The following SAMD3 variants were observed in gnomAD, a reference collection of about 807,000 sequenced individuals.
The protein encoded by SAMD3 is sterile alpha motif domain-containing protein 3.
In SAMD3, 63 loss-of-function variants were observed where a neutral mutation model predicts 58.5. The observed-to-expected ratio is 1.08, with a 90% CI of 0.88 to 1.33. SAMD3 has a LOEUF of 1.33. SAMD3 is among the 40% of genes most tolerant of loss of function. SAMD3 has a pLI of 0.00. For synonymous variants in SAMD3, 220 were observed against 210.3 expected, an observed-to-expected ratio of 1.05 and a Z score of -0.40; for missense variants, 604 against 608.4, an observed-to-expected ratio of 0.99 and a Z score of 0.08.
intron 1 of SAMD3, among the ~76,000 whole-genome samples, chr6:130,344,983 A>C (rs934797087): frequency 1.3e-5 from 2 of 151,456 alleles, no homozygotes; most frequent in African/African-American, 4.9e-5. Flanking sequence ...TTTTTATCAC[A>C]GTACACAAAT....
At chr6:130,350,601 C>T (rs1281097646) in intron 1 of SAMD3, among the ~76,000 whole-genome samples, 12 of 152,112 alleles carry the variant, frequency 7.9e-5, no homozygotes, top group Admixed American at 2.0e-4. Flanking sequence ...GAACATTCCA[C>T]GCTCATGGGT....
chr6:130,210,674 C>T (rs1186143122), intron 4 of SAMD3, among the ~76,000 whole-genome samples: 3 of 151,820 alleles, frequency 2.0e-5, no homozygotes, highest in Non-Finnish European at 4.4e-5. Context: ...GACCCCTCCT[C>T]TCAGCTAAAG....
chr6:130,152,654 G>A (rs572953854), intron 9 of SAMD3, among the ~76,000 whole-genome samples: 1 of 152,034 alleles, frequency 6.6e-6, no homozygotes, highest in Non-Finnish European at 1.5e-5. Context: ...TCCAGCCTGG[G>A]CGACAAAGTA....
Position 130,215,307 on chromosome 6 carries a change from A to G in SAMD3, c.-21-13T>C. 6.7e-7 allele frequency: 1 copy of G among 1,496,054 alleles called. No individual in the cohort carries two copies. Among genetic ancestry groups the G allele is most frequent in the Non-Finnish European group, 9.1e-7 (1 of 1,102,266 alleles). 92.7% of individuals were successfully genotyped at this position (1,496,054 alleles called of 1,614,324 possible). On this transcript the variant is annotated splice_polypyrimidine_tract_variant and intron_variant, in intron 2 of 11. Coordinates refer to ENST00000439090, the MANE Select transcript of SAMD3 (RefSeq NM_001017373.4). ...CCTGTAAATACACCTGTAGAGCAAA[A>G]GGTCAGAGAATTCTCCAGCTTTTCT...
At position 130,144,587 on chromosome 6, in the gene SAMD3, T is replaced by C; in HGVS notation, c.1496A>G (p.His499Arg). Residue 499 changes from histidine to arginine, a missense_variant, in exon 12 of 12, where the codon CAC (histidine) becomes CGC (arginine). By Grantham distance (29) the His-to-Arg change is conservative (BLOSUM62 0). Transcript: ENST00000439090. ...NFLETLIFDM[H>R]SPYFPSLKEK... ...TTTCAAAGAAGGAAAATAAGGACTG[T>C]GCATATCGAAAATCAGCGTTTCTAG... 1 of 1,614,150 alleles carries C rather than the reference T, an allele frequency of 6.2e-7. No individual in the cohort carries two copies. The highest frequency in any genetic ancestry group is 1.1e-5 in the South Asian group (1 of 91,086).
Position 130,206,481 on chromosome 6 carries a change from G to A in SAMD3, c.383+3014C>T, listed in dbSNP as rs549653968. ...GGCTTTCCAGCACCTGTGTCTTCAT[G>A]CTCGGGAACTTACTTGTTCAGCCCT... is the stretch of plus-strand genomic sequence containing the variant. On this transcript the variant is annotated intron_variant, in intron 5 of 11. Transcript: ENST00000439090. Among the ~76,000 whole-genome samples the A allele has an allele frequency of 2.0e-5, 3 of 152,336 alleles. No homozygotes were observed. In the South Asian group the frequency reaches 6.2e-4, roughly 32 times the overall value.
intron 2 of SAMD3, among the ~76,000 whole-genome samples, chr6:130,261,728 T>C (rs1027553049): frequency 1.3e-5 from 2 of 152,146 alleles, no homozygotes; most frequent in Admixed American, 1.3e-4. Flanking sequence ...CCAGGAAAAC[T>C]TAAAACTTTG....
chr6:130,328,899 T>A (rs1776837681), intron 1 of SAMD3, among the ~76,000 whole-genome samples: 1 of 152,172 alleles, frequency 6.6e-6, no homozygotes, highest in South Asian at 2.1e-4. Flanking sequence ...AGTGTAAGGT[T>A]TATGAGTATA....
At chr6:130,251,978 G>A (rs992489094) in intron 2 of SAMD3, among the ~76,000 whole-genome samples, 3 of 151,672 alleles carry the variant, frequency 2.0e-5, no homozygotes, top group African/African-American at 7.3e-5. Context: ...CTGTTTAGAT[G>A]TTCTATTCCT....
intron 1 of SAMD3, among the ~76,000 whole-genome samples, chr6:130,324,842 G>C (rs1024246481): frequency 7.9e-5 from 12 of 151,814 alleles, no homozygotes; most frequent in African/African-American, 2.9e-4. Flanking sequence ...TCGCCTACTG[G>C]TCTGGGTTCA....
chr6:130,190,493 A>G (rs1040404426), intron 5 of SAMD3, among the ~76,000 whole-genome samples: 21 of 152,210 alleles, frequency 1.4e-4, no homozygotes, highest in African/African-American at 4.8e-4. Flanking sequence ...TAGCAAAGAA[A>G]TAGAAATTGT....
At chr6:130,284,295 A>T (rs1775084778) in intron 2 of SAMD3, among the ~76,000 whole-genome samples, 1 of 152,230 alleles carries the variant, frequency 6.6e-6, no homozygotes, top group East Asian at 1.9e-4. Context: ...AGAATTATTG[A>T]TTTCAATTTT....
At chr6:130,165,603 A>G (rs1014594977) in intron 8 of SAMD3, among the ~76,000 whole-genome samples, 2 of 152,184 alleles carry the variant, frequency 1.3e-5, no homozygotes, top group African/African-American at 4.8e-5. Flanking sequence ...AGAGCTAGAC[A>G]CCTATACAGT....
At chr6:130,219,960 A>C (rs939696175) in intron 1 of SAMD3, among the ~76,000 whole-genome samples, 4 of 152,198 alleles carry the variant, frequency 2.6e-5, no homozygotes, top group Non-Finnish European at 4.4e-5. Flanking sequence ...AAAAGTGGTG[A>C]GCACAGTCAT....
At chr6:130,177,883 G>T (rs1791883049) in intron 7 of SAMD3, among the ~76,000 whole-genome samples, 1 of 152,160 alleles carries the variant, frequency 6.6e-6, no homozygotes, top group African/African-American at 2.4e-5. Context: ...TGAAGCAGGA[G>T]ATGCAGGTGT....
At chr6:130,324,347 G>A (rs904720684) in intron 1 of SAMD3, among the ~76,000 whole-genome samples, 5 of 152,176 alleles carry the variant, frequency 3.3e-5, no homozygotes, top group African/African-American at 9.7e-5. Context: ...TTTGGCAAAA[G>A]CCATACATAT....
intron 2 of SAMD3, among the ~76,000 whole-genome samples, chr6:130,231,420 C>T (rs575410995): frequency 6.6e-6 from 1 of 152,122 alleles, no homozygotes; most frequent in South Asian, 2.1e-4. Flanking sequence ...AAAACTTAGC[C>T]AGGGGTGGCG....
chr6:130,363,761 G>A (rs998960842), intron 1 of SAMD3, among the ~76,000 whole-genome samples: 8 of 152,144 alleles, frequency 5.3e-5, no homozygotes, highest in African/African-American at 1.9e-4. Context: ...TATAAGATGG[G>A]CTTGTTCTAG....
At chr6:130,170,593 TC>T (rs1315594316) in intron 8 of SAMD3, among the ~76,000 whole-genome samples, 1 of 152,212 alleles carries the variant, frequency 6.6e-6, no homozygotes, top group Non-Finnish European at 1.5e-5. Context: ...GGAATGTCTT[TC>T]TTTTCCTTTG....
Sources: allele counts gnomAD v4.1 joint callset (sites outside exome capture counted in the v4.1 genomes callset), GRCh38; gene constraint gnomAD v4.1.1; transcripts MANE v1.5; gene names NCBI Gene and HGNC (gene_info 2026-07-23, HGNC 2026-07-21).